The following GALNT6 variants were observed in gnomAD, a reference collection of about 807,000 sequenced individuals.
GALNT6 encodes the protein polypeptide N-acetylgalactosaminyltransferase 6, also known as GalNAc transferase 6.
In GALNT6, 51 loss-of-function variants were observed where a neutral mutation model predicts 65.9. The ratio of observed to expected loss-of-function variants is 0.77; its 90% CI spans 0.62 to 0.98. The LOEUF (loss-of-function observed/expected upper bound fraction) is 0.98, where lower values mean the gene tolerates loss of function less well. Ranked by LOEUF, GALNT6 falls within the 50% of genes least tolerant of loss-of-function variation. The pLI, the probability that GALNT6 is intolerant of heterozygous loss-of-function variation, is 0.00. For missense variants in GALNT6, 708 were observed against 803.3 expected, an observed-to-expected ratio of 0.88 and a Z score of 1.43; for synonymous variants, 323 against 315.1, an observed-to-expected ratio of 1.02 and a Z score of -0.26.
intron 4 of GALNT6, among the ~76,000 whole-genome samples, chr12:51,374,039 T>TTA (rs1389027882): frequency 6.6e-6 from 1 of 151,936 alleles, no homozygotes; most frequent in Non-Finnish European, 1.5e-5. Context: ...TTTCTATTTT[T>TTA]TATAGAGATG....
intron 6 of GALNT6, among the ~76,000 whole-genome samples, chr12:51,361,955 C>T (rs1205102271): frequency 6.6e-6 from 1 of 152,158 alleles, no homozygotes; most frequent in Non-Finnish European, 1.5e-5. Context: ...CATCAAGGTG[C>T]CTACCCAGGA....
At chr12:51,371,880 G>C (rs2137669394) in intron 4 of GALNT6, among the ~76,000 whole-genome samples, 1 of 152,282 alleles carries the variant, frequency 6.6e-6, no homozygotes, top group East Asian at 1.9e-4. Flanking sequence ...TGTGTAATGA[G>C]AGCTGGTTAA....
intron 8 of GALNT6, 36 bp from the exon 9 acceptor site, chr12:51,358,297 A>G: frequency 6.6e-7 from 1 of 1,505,260 alleles, no homozygotes. Context: ...GATCAGTTCC[A>G]CCAGTTTTTT....
At chr12:51,367,970 T>G (rs1241158736) in intron 4 of GALNT6, among the ~76,000 whole-genome samples, 1 of 151,898 alleles carries the variant, frequency 6.6e-6, no homozygotes, top group African/African-American at 2.4e-5. Flanking sequence ...CCAGTCTGCA[T>G]GTGAGGACTC....
Position 51,364,294 on chromosome 12 carries a change from CACT to C in GALNT6, c.873_875del (p.Val294del). On this transcript the variant is annotated inframe_deletion, in exon 6 of 12. Transcript: ENST00000356317. The stretch of plus-strand genomic sequence containing the variant: ...TGGTGACGATGTCTGGGCTCACCAC[CACT>C]GTCTTGTCCTCAGCGATTCGAGCCA... 6.2e-7 allele frequency: 1 copy of C among 1,614,240 alleles called. No homozygotes were observed. Among genetic ancestry groups the C allele is most frequent in the South Asian group, 1.1e-5 (1 of 91,088 alleles).
chr12:51,366,433 G>A (rs2074358682), intron 4 of GALNT6, among the ~76,000 whole-genome samples: 1 of 152,216 alleles, frequency 6.6e-6, no homozygotes, highest in Non-Finnish European at 1.5e-5. Flanking sequence ...CAGGACATCT[G>A]ACTCTAATCC....
At chr12:51,359,110 T>TC (rs755037540) in intron 8 of GALNT6, 22 bp downstream of exon 8, 26 of 1,594,108 alleles carry the variant, frequency 1.6e-5, no homozygotes, top group Non-Finnish European at 2.0e-5. Context: ...TCTAAACCTC[T>TC]CCGAGAACCA....
At chr12:51,389,270 C>T (rs1028677518) in intron 2 of GALNT6, among the ~76,000 whole-genome samples, 2 of 152,238 alleles carry the variant, frequency 1.3e-5, no homozygotes, top group African/African-American at 2.4e-5. Flanking sequence ...GGAACACATC[C>T]GTGGGAGCCA....
At chr12:51,361,706 C>T (rs752825139) in intron 6 of GALNT6, among the ~76,000 whole-genome samples, 47 of 152,026 alleles carry the variant, frequency 3.1e-4, no homozygotes, top group Non-Finnish European at 5.9e-4. Flanking sequence ...GAAGCGGACC[C>T]GGGGAAGTAT....
In GALNT6 at chr12:51,359,168, A is replaced by C. The variant is rs775239413; in HGVS notation, c.1332T>G (p.Tyr444Ter). Residue 444 changes from tyrosine to a stop codon, truncating the protein, a stop_gained, in exon 8 of 12, where the codon TAT (tyrosine) becomes TAG (stop). Transcript: ENST00000356317. LOFTEE classifies it high-confidence loss of function. ...VWMDSYKKIFYRRNLQAAKMA... is the reference protein window; with the variant it reads ...VWMDSYKKIF ...TCTTTGCTGCCTGCAGATTTCTCCT[A>C]TAGAAAATCTTCTTGTAGCTGTCCA... 3.7e-6 allele frequency: 6 copies of C among 1,614,108 alleles called. No homozygotes were observed. In the South Asian group the frequency reaches 6.6e-5, roughly 18 times the overall value.
chr12:51,362,903 G>T (rs546254686), intron 6 of GALNT6, among the ~76,000 whole-genome samples: 118 of 150,116 alleles, frequency 7.9e-4, no homozygotes, highest in Middle Eastern at 6.9e-3. Context: ...TTGCTATGCT[G>T]CCCAGGCTGT....
intron 7 of GALNT6, 116 bp downstream of exon 7, chr12:51,360,605 C>T: frequency 1.4e-6 from 1 of 699,154 alleles, no homozygotes; most frequent in South Asian, 1.7e-5. Flanking sequence ...GAAATAGCCA[C>T]CCTTTCTAGT....
chr12:51,386,855 A>G (rs577047001), intron 2 of GALNT6, among the ~76,000 whole-genome samples: 1 of 152,250 alleles, frequency 6.6e-6, no homozygotes, highest in South Asian at 2.1e-4. Flanking sequence ...CTCTGTACTC[A>G]TACTGTGAAC....
chr12:51,383,299 G>T (rs556958687), intron 2 of GALNT6, among the ~76,000 whole-genome samples: 1 of 152,300 alleles, frequency 6.6e-6, no homozygotes, highest in East Asian at 1.9e-4. Context: ...CCTGCAGAAT[G>T]GGGGAGTGTT....
Position 51,367,414 on chromosome 12 carries a change from G to A in GALNT6, c.665-1835C>T, listed in dbSNP as rs1379063370. Among the ~76,000 whole-genome samples, 4 of 152,190 alleles carry A rather than the reference G, an allele frequency of 2.6e-5. No individual in the cohort carries two copies. The South Asian group carries it at 8.3e-4, about 32-fold the overall frequency. On this transcript the variant is annotated intron_variant, in intron 4 of 11. Coordinates refer to ENST00000356317, the MANE Select transcript of GALNT6 (RefSeq NM_007210.4). ...CATGCCACTGCACTCCAACCTGAGT[G>A]ACATAGCAAGACTTGTCTCAAAACA...
chr12:51,362,541 A>G (rs112229407), intron 6 of GALNT6, among the ~76,000 whole-genome samples: 2 of 147,932 alleles, frequency 1.4e-5, no homozygotes, highest in Non-Finnish European at 3.0e-5. Context: ...TTCCAGTTGT[A>G]TGGCCCTTGG....
chr12:51,379,189 C>T, intron 3 of GALNT6, 102 bp downstream of exon 3: 1 of 1,201,258 alleles, frequency 8.3e-7, no homozygotes, highest in Non-Finnish European at 1.1e-6. Context: ...TATAAAATTC[C>T]CTTCAACTCT....
chr12:51,378,877 T>C (rs944202465), intron 3 of GALNT6, among the ~76,000 whole-genome samples: 1 of 126,256 alleles, frequency 7.9e-6, no homozygotes, highest in African/African-American at 3.1e-5. Context: ...TGTTAAGAAA[T>C]GCCCACCCCC....
intron 4 of GALNT6, among the ~76,000 whole-genome samples, chr12:51,370,941 G>A (rs1189899664): frequency 1.3e-5 from 2 of 152,040 alleles, no homozygotes; most frequent in Non-Finnish European, 2.9e-5. Context: ...GACTGAAACC[G>A]TGAAGATGAT....
Sources: gnomAD v4.1 joint callset for allele counts (sites outside exome capture counted in the v4.1 genomes callset) on GRCh38, gnomAD v4.1.1 for gene constraint, MANE v1.5 for transcripts, NCBI Gene and HGNC (gene_info 2026-07-23, HGNC 2026-07-21) for gene names.